Variants in KCNIP4 observed in about 807,000 individuals in gnomAD.
KCNIP4 encodes Kv channel-interacting protein 4.
KCNIP4 carries 12 observed loss-of-function variants against 34.0 expected under a neutral mutation model. The observed-to-expected ratio is 0.35, with a 90% CI of 0.23 to 0.57. The LOEUF is 0.57. Ranked by LOEUF, KCNIP4 falls within the 20% of genes least tolerant of loss-of-function variation. KCNIP4 has a pLI of 0.83. For missense variants in KCNIP4, 238 were observed against 311.7 expected (o/e 0.76, Z 1.78); for synonymous variants, 124 against 102.2 (o/e 1.21, Z -1.29).
At chr4:21,430,582 T>C (rs1337441344) in intron 1 of KCNIP4, among the ~76,000 whole-genome samples, 3 of 152,124 alleles carry the variant, frequency 2.0e-5, no homozygotes, top group Admixed American at 6.6e-5. Context: ...ATCACTCAAG[T>C]AGATATTAGC....
intron 1 of KCNIP4, among the ~76,000 whole-genome samples, chr4:21,274,766 T>G (rs1762340083): frequency 6.6e-6 from 1 of 152,206 alleles, no homozygotes; most frequent in African/African-American, 2.4e-5. Context: ...TTTAAATTTA[T>G]TAATACCACC....
Position 21,897,339 on chromosome 4 carries a change from A to C in KCNIP4, c.61+51232T>G, listed in dbSNP as rs116521143. ...AGCATGCCTTTAAAAGCAAGGTTCT[A>C]ATTTACATACCAACTTAATTGGCCA... On this transcript the variant is annotated intron_variant, in intron 1 of 8. Transcript: ENST00000382152. Among the ~76,000 whole-genome samples the C allele has an allele frequency of 7.6e-3, 1,155 of 152,278 alleles. 15 individuals are homozygous for C. Among genetic ancestry groups the C allele is most frequent in the African/African-American group, 0.026 (1,096 of 41,552 alleles).
chr4:21,336,163 T>C (rs1267243036), intron 1 of KCNIP4, among the ~76,000 whole-genome samples: 1 of 152,178 alleles, frequency 6.6e-6, no homozygotes, highest in East Asian at 1.9e-4. Flanking sequence ...TTTACATTGA[T>C]ACGTGAGTTC....
At chr4:21,575,938 A>T (rs1740714299) in intron 1 of KCNIP4, among the ~76,000 whole-genome samples, 1 of 152,202 alleles carries the variant, frequency 6.6e-6, no homozygotes, top group African/African-American at 2.4e-5. Context: ...TGATAGAGTC[A>T]TCAGATGGAA....
chr4:21,351,166 T>G (rs555319472), intron 1 of KCNIP4, among the ~76,000 whole-genome samples: 6 of 152,188 alleles, frequency 3.9e-5, no homozygotes. Context: ...CTAAATATTA[T>G]GGGCTGAACT....
chr4:21,279,494 T>C (rs187022734), intron 1 of KCNIP4, among the ~76,000 whole-genome samples: 1 of 146,760 alleles, frequency 6.8e-6, no homozygotes, highest in Admixed American at 6.9e-5. Flanking sequence ...ATTATATATA[T>C]ATATATACAT....
At chr4:21,806,966 A>G (rs1195416610) in intron 1 of KCNIP4, among the ~76,000 whole-genome samples, 1 of 152,090 alleles carries the variant, frequency 6.6e-6, no homozygotes. Flanking sequence ...AAACAATCAT[A>G]CCACTCACCA....
intron 1 of KCNIP4, among the ~76,000 whole-genome samples, chr4:21,656,033 A>C (rs1161355159): frequency 6.6e-6 from 1 of 152,212 alleles, no homozygotes; most frequent in Non-Finnish European, 1.5e-5. Flanking sequence ...AAACAAACTG[A>C]GAAGCATAAA....
intron 1 of KCNIP4, among the ~76,000 whole-genome samples, chr4:21,609,565 G>T (rs574119881): frequency 3.1e-4 from 47 of 152,290 alleles, no homozygotes; most frequent in Middle Eastern, 3.4e-3. Context: ...AGAAAAATTT[G>T]CTAGGACTAG....
intron 2 of KCNIP4, among the ~76,000 whole-genome samples, chr4:20,875,497 T>C (rs1351350909): frequency 6.6e-6 from 1 of 152,202 alleles, no homozygotes; most frequent in Non-Finnish European, 1.5e-5. Flanking sequence ...GTTAAATAGA[T>C]AAAAATAACA....
chr4:21,025,359 G>A (rs1352856358), intron 1 of KCNIP4, among the ~76,000 whole-genome samples: 1 of 151,826 alleles, frequency 6.6e-6, no homozygotes, highest in Non-Finnish European at 1.5e-5. Context: ...AATTGTCAAA[G>A]CAGTTGGAGC....
At chr4:21,556,846 G>A (rs572206940) in intron 1 of KCNIP4, among the ~76,000 whole-genome samples, 98 of 147,698 alleles carry the variant, frequency 6.6e-4, no homozygotes, top group Non-Finnish European at 1.3e-3. Context: ...ACTTGAACCC[G>A]GGAGATAGAG....
chr4:21,874,752 T>C (rs1402697316), intron 1 of KCNIP4, among the ~76,000 whole-genome samples: 3 of 152,228 alleles, frequency 2.0e-5, no homozygotes, highest in Non-Finnish European at 1.5e-5. Flanking sequence ...GCCAGGATTC[T>C]AATTTATATA....
chr4:21,944,283 C>A (rs755865383), intron 1 of KCNIP4, among the ~76,000 whole-genome samples: 2 of 151,960 alleles, frequency 1.3e-5, no homozygotes, highest in Non-Finnish European at 2.9e-5. Context: ...GTAGCTCACG[C>A]CTGTAATCCT....
rs1366204923 is a variant in KCNIP4, at chr4:21,247,759, T to TATATATAC, written c.62-365051_62-365050insGTATATAT. ...GGATATATATATATATATATATATA[T>TATATATAC]ACACCCCACAGGTGTTTTTTATATA... On this transcript the variant is annotated intron_variant, in intron 1 of 8. Transcript: ENST00000382152. Among the ~76,000 whole-genome samples, 121 of 119,998 alleles carry TATATATAC rather than the reference T, an allele frequency of 1.0e-3. 2 individuals carry two copies. Among genetic ancestry groups the TATATATAC allele is most frequent in the African/African-American group, 4.1e-3 (114 of 28,038 alleles). 78.7% of individuals were successfully genotyped at this position (119,998 alleles called of 152,430 possible). A position where few individuals can be genotyped will look rare whatever the true frequency, so the allele number is the denominator to read the frequency against.
chr4:21,288,384 A>G (rs1020883409), intron 1 of KCNIP4, among the ~76,000 whole-genome samples: 2 of 152,210 alleles, frequency 1.3e-5, no homozygotes, highest in African/African-American at 4.8e-5. Context: ...TGAAACTAAA[A>G]CAGAAGTCCC....
intron 1 of KCNIP4, among the ~76,000 whole-genome samples, chr4:20,883,384 C>G (rs767731513): frequency 1.5e-4 from 23 of 152,126 alleles, no homozygotes; most frequent in Non-Finnish European, 3.1e-4. Context: ...CAAACATTAA[C>G]CCAGGAATAG....
At chr4:21,679,772 C>T (rs920658635) in intron 1 of KCNIP4, among the ~76,000 whole-genome samples, 3 of 152,158 alleles carry the variant, frequency 2.0e-5, no homozygotes, top group South Asian at 2.1e-4. Context: ...TCCCAGTGCA[C>T]GTAAAAGTTT....
rs71191509 is a variant in KCNIP4, at chr4:21,484,430, T to TAAAAAA, written c.61+464135_61+464140dup. Among the ~76,000 whole-genome samples the TAAAAAA allele has an allele frequency of 3.4e-3, 510 of 149,476 alleles. 1 individual carries two copies. The highest frequency in any genetic ancestry group is 6.9e-3 in the Middle Eastern group (2 of 288). On this transcript the variant is annotated intron_variant, in intron 1 of 8. Transcript: ENST00000382152. ...TGACAAGAGCGAAACTCCGTCACAA[T>TAAAAAA]AAAAAAAAAATTAAAAGATAGGTAG...
Sources: allele counts gnomAD v4.1 joint callset (sites outside exome capture counted in the v4.1 genomes callset), GRCh38; gene constraint gnomAD v4.1.1; transcripts MANE v1.5; gene names NCBI Gene and HGNC (gene_info 2026-07-23, HGNC 2026-07-21).